The following UNC5D variants were observed in gnomAD, a reference collection of about 807,000 sequenced individuals.
UNC5D encodes netrin receptor UNC5D.
In UNC5D, 39 loss-of-function variants were observed where a neutral mutation model predicts 105.4. The ratio of observed to expected loss-of-function variants is 0.37; its 90% CI spans 0.29 to 0.48. UNC5D has a LOEUF of 0.48. UNC5D is among the 20% of genes least tolerant of loss of function. UNC5D has a pLI of 0.98. For missense variants in UNC5D, 991 were observed against 1,202.4 expected (o/e 0.82, Z 2.60); for synonymous variants, 452 against 450.4 (o/e 1.00, Z -0.04).
chr8:35,405,594 T>C (rs1054571875), intron 1 of UNC5D, among the ~76,000 whole-genome samples: 1 of 152,190 alleles, frequency 6.6e-6, no homozygotes, highest in African/African-American at 2.4e-5. Flanking sequence ...TCTCTCCACC[T>C]TTTTGTTTCT....
intron 8 of UNC5D, among the ~76,000 whole-genome samples, chr8:35,711,272 C>T (rs918634370): frequency 3.3e-5 from 5 of 152,058 alleles, no homozygotes; most frequent in Admixed American, 1.3e-4. Context: ...CTCTGCCTCC[C>T]GGGTTCAAGC....
intron 2 of UNC5D, among the ~76,000 whole-genome samples, chr8:35,550,896 T>A (rs1014014821): frequency 6.6e-6 from 1 of 152,114 alleles, no homozygotes; most frequent in African/African-American, 2.4e-5. Flanking sequence ...CATTAGTAAA[T>A]GAAGAAAGCT....
In UNC5D at chr8:35,246,407, A is replaced by AT. The variant is rs1010041275; in HGVS notation, c.103+10529dup. Among the ~76,000 whole-genome samples the AT allele has an allele frequency of 2.1e-3, 318 of 151,046 alleles. 1 individual carries two copies. The highest frequency in any genetic ancestry group is 0.015 in the South Asian group (72 of 4,750). On this transcript the variant is annotated intron_variant, in intron 1 of 16. Coordinates refer to ENST00000404895, the MANE Select transcript of UNC5D (RefSeq NM_080872.4). Reference sequence around the variant, plus strand: ...AATGTACCAACTATAAGAGAAATCTATTTTTTTTTGTTTTGATTTCTCTTA... The same window carrying AT: ...AATGTACCAACTATAAGAGAAATCTATTTTTTTTTTGTTTTGATTTCTCTTA...
At chr8:35,624,031 A>G (rs1406936037) in intron 4 of UNC5D, among the ~76,000 whole-genome samples, 3 of 152,160 alleles carry the variant, frequency 2.0e-5, no homozygotes, top group East Asian at 1.9e-4. Flanking sequence ...GGTGAGCCGA[A>G]ATTGTGCCAC....
At chr8:35,333,328 TAAAGG>T (rs979507280) in intron 1 of UNC5D, among the ~76,000 whole-genome samples, 7 of 151,920 alleles carry the variant, frequency 4.6e-5, no homozygotes, top group African/African-American at 1.7e-4. Context: ...CTCTGAAAAA[TAAAGG>T]AAAAGAAATT....
At position 35,792,815 on chromosome 8, in the gene UNC5D, T is replaced by G; in HGVS notation, c.*2252T>G. 1 of 330,922 alleles carries G rather than the reference T, an allele frequency of 3.0e-6. No individual in the cohort carries two copies. The highest frequency in any genetic ancestry group is 2.5e-5 in the South Asian group (1 of 40,034). 20.5% of individuals were successfully genotyped at this position (330,922 alleles called of 1,614,324 possible). On this transcript the variant is annotated 3_prime_UTR_variant, in exon 17 of 17. Transcript: ENST00000404895. Reference sequence around the variant, plus strand: ...AATTGTTTCATCTACTCTGTGAATCTACATAGGTCTTTTTTTTTAGATGTT... The same window carrying G: ...AATTGTTTCATCTACTCTGTGAATCGACATAGGTCTTTTTTTTTAGATGTT...
chr8:35,573,602 A>G (rs574229704), intron 3 of UNC5D, among the ~76,000 whole-genome samples: 2 of 152,268 alleles, frequency 1.3e-5, no homozygotes, highest in African/African-American at 4.8e-5. Flanking sequence ...GTTACGTGGG[A>G]GTTTAAAAAC....
At chr8:35,254,301 T>C (rs1408633602) in intron 1 of UNC5D, 1 of 152,194 alleles carries the variant, frequency 6.6e-6, no homozygotes, top group Non-Finnish European at 1.5e-5. Flanking sequence ...CCCATTATAT[T>C]TGCCCATCCA....
chr8:35,758,270 T>A lies in UNC5D; in HGVS notation c.2164-1050T>A, dbSNP rs79668345. 4.8e-3 allele frequency among the ~76,000 whole-genome samples: 731 copies of A among 152,358 alleles called. 7 individuals are homozygous for A. The highest frequency in any genetic ancestry group is 8.8e-3 in the Non-Finnish European group (596 of 68,032). ...ACTTATGGACAAGAGATGGATAAGA[T>A]AACCAGTAGAGGTGTTTTTACTCTT... On this transcript the variant is annotated intron_variant, in intron 13 of 16. Coordinates refer to ENST00000404895, the MANE Select transcript of UNC5D (RefSeq NM_080872.4).
At chr8:35,359,281 G>C (rs553019215) in intron 1 of UNC5D, among the ~76,000 whole-genome samples, 10 of 152,216 alleles carry the variant, frequency 6.6e-5, no homozygotes, top group South Asian at 6.2e-4. Context: ...CAGTGTGACC[G>C]TGTGGCTTCT....
In UNC5D at chr8:35,282,239, G is replaced by C. The variant is rs188152497; in HGVS notation, c.103+46352G>C. 6.6e-5 allele frequency among the ~76,000 whole-genome samples: 10 copies of C among 152,312 alleles called. No individual in the cohort carries two copies. In the South Asian group the frequency reaches 1.5e-3, roughly 22 times the overall value. ...TAGCATCGAAGGAGGACAGCATGCT[G>C]TCAGCTTGATGGCTGCCAGTCCTTT... is the stretch of plus-strand genomic sequence containing the variant. On this transcript the variant is annotated intron_variant, in intron 1 of 16. Transcript: ENST00000404895.
intron 16 of UNC5D, among the ~76,000 whole-genome samples, chr8:35,783,820 T>C (rs1254362049): frequency 6.6e-6 from 1 of 152,154 alleles, no homozygotes; most frequent in Non-Finnish European, 1.5e-5. Context: ...TAAAGACCTA[T>C]AAGGCAGAAT....
intron 4 of UNC5D, among the ~76,000 whole-genome samples, chr8:35,633,576 C>A (rs1007671619): frequency 1.1e-4 from 17 of 151,666 alleles, no homozygotes; most frequent in Admixed American, 9.9e-4. Flanking sequence ...AGTGAGACCT[C>A]ATCTCTACAA....
intron 1 of UNC5D, among the ~76,000 whole-genome samples, chr8:35,302,576 A>G (rs538717121): frequency 6.6e-6 from 1 of 152,320 alleles, no homozygotes; most frequent in Admixed American, 6.5e-5. Context: ...GAGAGTAGGG[A>G]TTTTGACTGG....
chr8:35,644,622 A>G (rs977397578), intron 4 of UNC5D, among the ~76,000 whole-genome samples: 2 of 152,174 alleles, frequency 1.3e-5, no homozygotes, highest in Non-Finnish European at 2.9e-5. Context: ...GAACACTCAG[A>G]GTGCTCACTT....
rs187843175 is a variant in UNC5D, at chr8:35,442,193, C to T, written c.104-107099C>T. On this transcript the variant is annotated intron_variant, in intron 1 of 16. Coordinates refer to ENST00000404895, the MANE Select transcript of UNC5D (RefSeq NM_080872.4). ...GTTGTTTTTTAATAGCAGGGACCTA[C>T]AGTTATTGAAGGTAGGTGAGAGTTA... is the stretch of plus-strand genomic sequence containing the variant. Among the ~76,000 whole-genome samples the T allele has an allele frequency of 3.9e-4, 60 of 151,902 alleles. 1 individual carries two copies. In the Middle Eastern group the frequency reaches 0.01, roughly 26 times the overall value.
At position 35,570,916 on chromosome 8, in the gene UNC5D, C is replaced by T. The variant is rs369996092; in HGVS notation, c.466+2675C>T. On this transcript the variant is annotated intron_variant, in intron 3 of 16. Coordinates refer to ENST00000404895, the MANE Select transcript of UNC5D (RefSeq NM_080872.4). ...GAGTTTGCAGTGAGCTGAGATCACA[C>T]CATTGTACTCCAGCCTGGGCAACAA... Among the ~76,000 whole-genome samples the T allele has an allele frequency of 3.4e-4, 52 of 152,014 alleles. 1 individual carries two copies. The highest frequency in any genetic ancestry group is 1.1e-3 in the African/African-American group (47 of 41,466).
At chr8:35,712,605 G>T (rs1222388157) in intron 8 of UNC5D, among the ~76,000 whole-genome samples, 1 of 152,110 alleles carries the variant, frequency 6.6e-6, no homozygotes, top group African/African-American at 2.4e-5. Flanking sequence ...ATTCCATTCT[G>T]CACCTTTCCC....
At chr8:35,541,258 G>C (rs1815253453) in intron 1 of UNC5D, among the ~76,000 whole-genome samples, 1 of 152,152 alleles carries the variant, frequency 6.6e-6, no homozygotes, top group African/African-American at 2.4e-5. Flanking sequence ...ATCAGTTACA[G>C]CTCAATGTTT....
Sources: gnomAD v4.1 joint callset for allele counts (sites outside exome capture counted in the v4.1 genomes callset) on GRCh38, gnomAD v4.1.1 for gene constraint, MANE v1.5 for transcripts, NCBI Gene and HGNC (gene_info 2026-07-23, HGNC 2026-07-21) for gene names.